Variants in CPB2 observed in about 807,000 individuals in gnomAD.
CPB2 encodes the protein carboxypeptidase B-like protein.
In CPB2, 54 loss-of-function variants were observed where a neutral mutation model predicts 57.0. That is an observed-to-expected ratio of 0.95 (90% CI 0.76 to 1.19). CPB2 has a LOEUF of 1.19. Among genes scored for constraint, CPB2 ranks in the 50% most tolerant of loss-of-function variants. CPB2 has a pLI of 0.00. For synonymous variants in CPB2, 189 were observed against 178.1 expected, an observed-to-expected ratio of 1.06 and a Z score of -0.49; for missense variants, 426 against 512.0, an observed-to-expected ratio of 0.83 and a Z score of 1.62.
At chr13:46,061,857 A>G (rs574820286) in intron 8 of CPB2, among the ~76,000 whole-genome samples, 6 of 152,276 alleles carry the variant, frequency 3.9e-5, no homozygotes, top group Non-Finnish European at 7.4e-5. Context: ...CCTGTTAATA[A>G]GTGAGGTGTT....
At chr13:46,093,209 A>T (rs567706183) in intron 1 of CPB2, among the ~76,000 whole-genome samples, 1 of 152,264 alleles carries the variant, frequency 6.6e-6, no homozygotes, top group South Asian at 2.1e-4. Flanking sequence ...CACCGCGCCC[A>T]CCAAGGATAA....
rs116580571 is a variant in CPB2 at position 46,057,778 on chromosome 13, A to G, written c.999+401T>C. 1.1e-4 allele frequency among the ~76,000 whole-genome samples: 17 copies of G among 152,330 alleles called. 1 individual carries two copies. Among genetic ancestry groups the G allele is most frequent in the Admixed American group, 9.8e-4 (15 of 15,300 alleles). On this transcript the variant is annotated intron_variant, in intron 9 of 10. Transcript: ENST00000181383. ...AATTCCTGCTGCTAATACCAAAACA[A>G]TGAGTGCTGTGTTGAGACTTAATCT...
chr13:46,088,959 C>G (rs753975243), intron 1 of CPB2, among the ~76,000 whole-genome samples: 8 of 142,916 alleles, frequency 5.6e-5, no homozygotes, highest in Non-Finnish European at 6.1e-5. Context: ...TGTAATTTGT[C>G]TTTTCTCTTT....
intron 2 of CPB2, among the ~76,000 whole-genome samples, chr13:46,086,577 G>A (rs2139401488): frequency 6.6e-6 from 1 of 152,282 alleles, no homozygotes; most frequent in East Asian, 1.9e-4. Context: ...GTGCTGATTG[G>A]TTCATGGGTG....
chr13:46,088,838 T>G (rs1378378096), intron 1 of CPB2, among the ~76,000 whole-genome samples: 1 of 152,166 alleles, frequency 6.6e-6, no homozygotes, highest in Non-Finnish European at 1.5e-5. Context: ...ACTGCCCATT[T>G]TTTTCTAATT....
At chr13:46,101,238 A>C (rs1169799161) in intron 1 of CPB2, 1 of 152,234 alleles carries the variant, frequency 6.6e-6, no homozygotes, top group Non-Finnish European at 1.5e-5. Context: ...TTTGCTGTTT[A>C]TAAGTGCTGC....
Position 46,096,894 on chromosome 13 carries a change from A to G in CPB2, c.74+8042T>C, listed in dbSNP as rs182242709. On this transcript the variant is annotated intron_variant, in intron 1 of 10. Coordinates refer to ENST00000181383, the MANE Select transcript of CPB2 (RefSeq NM_001872.5). ...CAGAGCTTCAGTGTTGCATCTCATC[A>G]TACACCTTGGGTGGAAAAGGTGTTT... Among the ~76,000 whole-genome samples the G allele has an allele frequency of 2.8e-3, 430 of 152,320 alleles. 2 individuals are homozygous for G. The highest frequency in any genetic ancestry group is 0.01 in the African/African-American group (417 of 41,562).
At chr13:46,080,704 C>T (rs909218908) in intron 4 of CPB2, among the ~76,000 whole-genome samples, 1 of 152,138 alleles carries the variant, frequency 6.6e-6, no homozygotes, top group Admixed American at 6.5e-5. Context: ...GGCATGGTGG[C>T]TCACACCTGT....
In CPB2 at chr13:46,053,577, A is replaced by G. The variant is rs566720391; in HGVS notation, c.*37T>C. 1.9e-6 allele frequency: 3 copies of G among 1,592,544 alleles called. No individual in the cohort carries two copies. The highest frequency in any genetic ancestry group is 4.5e-5 in the East Asian group (2 of 44,482). On this transcript the variant is annotated 3_prime_UTR_variant, in exon 11 of 11. Transcript: ENST00000181383. ...GATTTGGTCTTGCTGGAATCAGTAA[A>G]TTAAAATACGGAAGCAGAATGATAA...
intron 9 of CPB2, among the ~76,000 whole-genome samples, chr13:46,057,591 T>C (rs1202320672): frequency 6.6e-6 from 1 of 152,198 alleles, no homozygotes; most frequent in Non-Finnish European, 1.5e-5. Flanking sequence ...TACAGTATCT[T>C]GGACTAAAAA....
At chr13:46,066,948 T>A (rs889797020) in intron 7 of CPB2, among the ~76,000 whole-genome samples, 3 of 151,836 alleles carry the variant, frequency 2.0e-5, no homozygotes, top group African/African-American at 7.3e-5. Flanking sequence ...ACTATAATTA[T>A]TTTTTTCAGA....
chr13:46,073,934 T>C lies in CPB2; in HGVS notation c.530A>G (p.Asp177Gly), dbSNP rs140446990. 7.2e-4 allele frequency: 1,143 copies of C among 1,591,742 alleles called. 3 individuals are homozygous for C. Among genetic ancestry groups the C allele is most frequent in the Non-Finnish European group, 5.2e-4 (603 of 1,162,688 alleles). The change falls in exon 6 of 11, where the codon GAC becomes GGC. Residue 177 changes from aspartate to glycine, a missense_variant. Transcript: ENST00000181383. Reference protein sequence around the residue: ...EQAAKNAIWIDCGIHAREWIS... With the variant: ...EQAAKNAIWIGCGIHAREWIS... ...CCATTCTCTGGCATGGATTCCACAG[T>C]CAATCCATATGGCATTTTTGGCTGC...
At position 46,062,044 on chromosome 13, in the gene CPB2, T is replaced by A. The variant is rs866945289; in HGVS notation, c.796+2604A>T. Reference sequence around the variant, plus strand: ...TATTTGGTTTTTTTTTTTTTTTTTTTAGTTAAAAACCCATATGCTTGCTGC... The same window carrying A: ...TATTTGGTTTTTTTTTTTTTTTTTTAAGTTAAAAACCCATATGCTTGCTGC... On this transcript the variant is annotated intron_variant, in intron 8 of 10. Transcript: ENST00000181383. 5.0e-3 allele frequency among the ~76,000 whole-genome samples: 587 copies of A among 118,012 alleles called. 3 individuals carry two copies. The highest frequency in any genetic ancestry group is 0.02 in the Middle Eastern group (5 of 246). The allele number at this position is 118,012 out of a possible 152,430, so 77.4% of individuals were successfully genotyped here.
chr13:46,059,288 T>A (rs746616146), intron 8 of CPB2, among the ~76,000 whole-genome samples: 2 of 152,180 alleles, frequency 1.3e-5, no homozygotes, highest in Non-Finnish European at 2.9e-5. Flanking sequence ...ACTGTCATTT[T>A]AGGAGATGCA....
At chr13:46,068,968 C>A (rs1339232235) in intron 6 of CPB2, among the ~76,000 whole-genome samples, 2 of 152,164 alleles carry the variant, frequency 1.3e-5, no homozygotes, top group Non-Finnish European at 2.9e-5. Context: ...TTAGGAGAGC[C>A]TGTTCCTTTT....
At chr13:46,059,792 C>T (rs986117838) in intron 8 of CPB2, among the ~76,000 whole-genome samples, 1 of 152,166 alleles carries the variant, frequency 6.6e-6, no homozygotes, top group Non-Finnish European at 1.5e-5. Context: ...CCTTACAGAG[C>T]CTGCTTTTCT....
Position 46,104,963 on chromosome 13 carries a change from C to T in CPB2, c.47G>A (p.Cys16Tyr). ...LAVLVPIVLFCEQHVFAFQSG... is the reference protein window; with the variant it reads ...LAVLVPIVLFYEQHVFAFQSG... The stretch of plus-strand genomic sequence containing the variant: ...CTGAAACGCGAAGACATGCTGCTCA[C>T]AGAAGAGAACAATGGGTACAAGGAC... Residue 16 changes from cysteine (C) to tyrosine (Y), a missense_variant, in exon 1 of 11, where the codon TGT becomes TAT. By Grantham distance (194) the Cys-to-Tyr change is radical. Coordinates refer to ENST00000181383, the MANE Select transcript of CPB2 (RefSeq NM_001872.5). 1 of 1,613,996 alleles carries T rather than the reference C, an allele frequency of 6.2e-7. No homozygotes were observed. The highest frequency in any genetic ancestry group is 1.1e-5 in the South Asian group (1 of 91,076).
chr13:46,053,371 C>CAAA lies in CPB2; in HGVS notation c.*242_*243insTTT. The CAAA allele has an allele frequency of 2.4e-6, 1 of 416,028 alleles. No homozygotes were observed. Among genetic ancestry groups the CAAA allele is most frequent in the Non-Finnish European group, 4.0e-6 (1 of 252,742 alleles). 25.8% of individuals were successfully genotyped at this position (416,028 alleles called of 1,614,324 possible). A position where few individuals can be genotyped will look rare whatever the true frequency, so the allele number is the denominator to read the frequency against. ...TTGCTTGAGATGGCTAGTCAAACGT[C>CAAA]GAAAATCAAAGAAAAAGTAGGTAAC... is the stretch of plus-strand genomic sequence containing the variant. On this transcript the variant is annotated 3_prime_UTR_variant, in exon 11 of 11. Coordinates refer to ENST00000181383, the MANE Select transcript of CPB2 (RefSeq NM_001872.5).
chr13:46,089,879 C>G (rs929313837), intron 1 of CPB2, among the ~76,000 whole-genome samples: 4 of 152,120 alleles, frequency 2.6e-5, no homozygotes, highest in African/African-American at 9.7e-5. Context: ...AGCTGCACCA[C>G]TTAAGGTATT....
Sources: gnomAD v4.1 joint callset for allele counts (sites outside exome capture counted in the v4.1 genomes callset) on GRCh38, gnomAD v4.1.1 for gene constraint, MANE v1.5 for transcripts, NCBI Gene and HGNC (gene_info 2026-07-23, HGNC 2026-07-21) for gene names.